The following WWOX variants were observed in gnomAD, a reference collection of about 807,000 sequenced individuals.
WWOX encodes the protein WW domain containing oxidoreductase.
A neutral mutation model predicts 46.2 loss-of-function variants in WWOX; 69 were observed. That is an observed-to-expected ratio of 1.49 (90% CI 1.23 to 1.82). WWOX has a LOEUF of 1.82. Ranked by LOEUF, WWOX falls within the 40% of genes most tolerant of loss-of-function variation. The pLI is 0.00. For synonymous variants in WWOX, 359 were observed against 202.6 expected (o/e 1.77, Z -6.56); for missense variants, 919 against 542.6 (o/e 1.69, Z -6.89).
chr16:78,542,868 C>T lies in WWOX; in HGVS notation c.1056+110116C>T, dbSNP rs144909248. 8.1e-4 allele frequency among the ~76,000 whole-genome samples: 123 copies of T among 152,256 alleles called. 2 individuals are homozygous for T. In the East Asian group the frequency reaches 0.021, roughly 27 times the overall value. On this transcript the variant is annotated intron_variant, in intron 8 of 8. Coordinates refer to ENST00000566780, the MANE Select transcript of WWOX (RefSeq NM_016373.4). Reference sequence around the variant, plus strand: ...CTCAGTTAAAACCCAAACGACGGGCCTGGGGGTTGTCACAATGTGATCCCT... The same window carrying T: ...CTCAGTTAAAACCCAAACGACGGGCTTGGGGGTTGTCACAATGTGATCCCT...
intron 6 of WWOX, among the ~76,000 whole-genome samples, chr16:78,419,098 T>G (rs1422526889): frequency 1.3e-5 from 2 of 151,666 alleles, no homozygotes; most frequent in East Asian, 3.9e-4. Context: ...TCAGCCAGGA[T>G]AAAAGTAGGA....
chr16:79,148,219 T>G (rs976127155), intron 8 of WWOX, among the ~76,000 whole-genome samples: 4 of 152,220 alleles, frequency 2.6e-5, no homozygotes, highest in Non-Finnish European at 5.9e-5. Context: ...TTTGCATGTA[T>G]GCCCATGATA....
intron 5 of WWOX, among the ~76,000 whole-genome samples, chr16:78,273,532 C>T (rs113350395): frequency 0.012 from 1,764 of 152,216 alleles, 29 homozygotes; most frequent in African/African-American, 0.041. Context: ...GCAGAGTTGT[C>T]GAATGGTCAG....
chr16:78,876,090 A>T (rs1264867972), intron 8 of WWOX, among the ~76,000 whole-genome samples: 1 of 152,166 alleles, frequency 6.6e-6, no homozygotes, highest in Non-Finnish European at 1.5e-5. Flanking sequence ...TTTTGTGCTG[A>T]GGAACTCTAG....
intron 8 of WWOX, among the ~76,000 whole-genome samples, chr16:78,745,050 A>G (rs2049316302): frequency 6.6e-6 from 1 of 152,122 alleles, no homozygotes; most frequent in Non-Finnish European, 1.5e-5. Context: ...GACGCCTGCC[A>G]CTGCATTTTA....
intron 4 of WWOX, among the ~76,000 whole-genome samples, chr16:78,162,035 C>T (rs1332582683): frequency 6.6e-6 from 1 of 152,078 alleles, no homozygotes; most frequent in South Asian, 2.1e-4. Flanking sequence ...CTCTTTGTTA[C>T]TTTCTGCATC....
chr16:78,850,394 G>A (rs1332411212), intron 8 of WWOX, among the ~76,000 whole-genome samples: 1 of 152,080 alleles, frequency 6.6e-6, no homozygotes, highest in Non-Finnish European at 1.5e-5. Context: ...TTCCCCTGTT[G>A]TAACATAGTG....
At chr16:78,357,598 G>T (rs1303457644) in intron 5 of WWOX, among the ~76,000 whole-genome samples, 3 of 152,136 alleles carry the variant, frequency 2.0e-5, no homozygotes, top group Non-Finnish European at 4.4e-5. Flanking sequence ...GCTATTCTAT[G>T]CTAAACATTT....
At chr16:78,281,693 C>T (rs1000330151) in intron 5 of WWOX, among the ~76,000 whole-genome samples, 8 of 152,134 alleles carry the variant, frequency 5.3e-5, no homozygotes, top group African/African-American at 1.9e-4. Flanking sequence ...ATTTCATATA[C>T]ATTTTCATGT....
intron 8 of WWOX, among the ~76,000 whole-genome samples, chr16:78,448,160 C>T (rs955615516): frequency 6.6e-6 from 1 of 152,088 alleles, no homozygotes; most frequent in Admixed American, 6.6e-5. Flanking sequence ...ATTACTTGCC[C>T]CCAATCCATG....
At chr16:78,876,427 C>G (rs185923636) in intron 8 of WWOX, among the ~76,000 whole-genome samples, 300 of 149,476 alleles carry the variant, frequency 2.0e-3, no homozygotes, top group Admixed American at 5.6e-3. Context: ...CTCACCAGTT[C>G]TCTGTTGTTA....
chr16:78,983,565 C>G (rs1465033514), intron 8 of WWOX, among the ~76,000 whole-genome samples: 1 of 152,134 alleles, frequency 6.6e-6, no homozygotes. Context: ...AAATGTTCAG[C>G]CTGTCTCCCT....
intron 8 of WWOX, among the ~76,000 whole-genome samples, chr16:78,521,825 G>C (rs545103235): frequency 2.6e-5 from 4 of 151,548 alleles, no homozygotes; most frequent in Non-Finnish European, 5.9e-5. Flanking sequence ...AAACACAGTT[G>C]ACCCTAAGCC....
intron 8 of WWOX, among the ~76,000 whole-genome samples, chr16:78,540,850 A>G (rs796620269): frequency 7.2e-5 from 11 of 152,224 alleles, no homozygotes; most frequent in African/African-American, 2.6e-4. Flanking sequence ...TGCCAGGCTA[A>G]TGTTTAAAAA....
chr16:79,152,726 G>A (rs938306049), intron 8 of WWOX, among the ~76,000 whole-genome samples: 5 of 151,990 alleles, frequency 3.3e-5, no homozygotes, highest in African/African-American at 9.7e-5. Context: ...CAAACAGAGT[G>A]GCCAGCAGTC....
At chr16:79,063,618 C>T (rs1159817679) in intron 8 of WWOX, among the ~76,000 whole-genome samples, 1 of 152,190 alleles carries the variant, frequency 6.6e-6, no homozygotes, top group African/African-American at 2.4e-5. Context: ...GGCCTTTAAG[C>T]CATCACTAGA....
chr16:78,659,471 C>G (rs1424050214), intron 8 of WWOX, among the ~76,000 whole-genome samples: 1 of 152,058 alleles, frequency 6.6e-6, no homozygotes, highest in Non-Finnish European at 1.5e-5. Context: ...GCTCAGCAAT[C>G]TAGTTTTAGC....
At chr16:78,968,949 C>T (rs535910869) in intron 8 of WWOX, among the ~76,000 whole-genome samples, 2 of 152,020 alleles carry the variant, frequency 1.3e-5, no homozygotes, top group East Asian at 3.9e-4. Context: ...TGAAATAGCA[C>T]AGCTTTTTTC....
intron 8 of WWOX, among the ~76,000 whole-genome samples, chr16:79,045,790 T>A (rs1226318064): frequency 2.0e-5 from 1 of 51,154 alleles, no homozygotes. Context: ...CTTTTTTTTT[T>A]TTTTTTTTTT....
Sources: allele counts gnomAD v4.1 joint callset (sites outside exome capture counted in the v4.1 genomes callset), GRCh38; gene constraint gnomAD v4.1.1; transcripts MANE v1.5; gene names NCBI Gene and HGNC (gene_info 2026-07-23, HGNC 2026-07-21).